AIDA: variants seen among roughly 807,000 people sequenced by gnomAD.
AIDA encodes axin interactor, dorsalization-associated protein.
In AIDA, 18 loss-of-function variants were observed where a neutral mutation model predicts 42.7. That is an observed-to-expected ratio of 0.42 (90% CI 0.29 to 0.63). AIDA has a LOEUF of 0.63. Ranked by LOEUF, AIDA falls within the 20% of genes least tolerant of loss-of-function variation. The pLI is 0.19. For synonymous variants in AIDA, 104 were observed against 122.9 expected (o/e 0.85, Z 1.02); for missense variants, 250 against 354.1 (o/e 0.71, Z 2.36).
chr1:222,673,794 G>A (rs1248174547), intron 7 of AIDA, among the ~76,000 whole-genome samples: 3 of 136,876 alleles, frequency 2.2e-5, no homozygotes, highest in South Asian at 2.4e-4. Context: ...ACAAAAACCT[G>A]CAAACTAGGT....
chr1:222,704,353 A>G (rs1245986821), intron 1 of AIDA, among the ~76,000 whole-genome samples: 1 of 152,232 alleles, frequency 6.6e-6, no homozygotes, highest in Non-Finnish European at 1.5e-5. Context: ...CTGAAAAACC[A>G]TATGTTTACA....
At chr1:222,709,570 T>C (rs1442644372) in intron 1 of AIDA, among the ~76,000 whole-genome samples, 4 of 148,048 alleles carry the variant, frequency 2.7e-5, no homozygotes, top group Non-Finnish European at 5.9e-5. Context: ...GACAAGAGAC[T>C]TTGCAATTTT....
chr1:222,678,436 A>G (rs1664592986), intron 6 of AIDA, among the ~76,000 whole-genome samples: 1 of 152,074 alleles, frequency 6.6e-6, no homozygotes, highest in South Asian at 2.1e-4. Context: ...AAATTCTTCT[A>G]CCTTTAGGTG....
At chr1:222,694,843 G>C (rs559780471) in intron 2 of AIDA, among the ~76,000 whole-genome samples, 4 of 152,158 alleles carry the variant, frequency 2.6e-5, no homozygotes, top group Admixed American at 6.6e-5. Context: ...CATTAGGAGA[G>C]ATAAGACACA....
intron 7 of AIDA, among the ~76,000 whole-genome samples, 185 bp from the exon 8 acceptor site, chr1:222,673,620 C>CA (rs1164143766): frequency 2.4e-4 from 37 of 151,262 alleles, no homozygotes; most frequent in Non-Finnish European, 4.3e-4. Context: ...ACTAAAAATA[C>CA]AAAAAAAATT....
At chr1:222,699,028 T>C (rs1360216843) in intron 2 of AIDA, among the ~76,000 whole-genome samples, 1 of 152,158 alleles carries the variant, frequency 6.6e-6, no homozygotes, top group Non-Finnish European at 1.5e-5. Context: ...GGTTTCACCG[T>C]GTTAGCCAGG....
At chr1:222,693,258 A>T (rs1306266456) in intron 4 of AIDA, among the ~76,000 whole-genome samples, 1 of 152,174 alleles carries the variant, frequency 6.6e-6, no homozygotes, top group South Asian at 2.1e-4. Context: ...ACTCTTGTGC[A>T]TTTGCCCATA....
At chr1:222,708,457 TC>T (rs1475279605) in intron 1 of AIDA, among the ~76,000 whole-genome samples, 2 of 151,554 alleles carry the variant, frequency 1.3e-5, no homozygotes, top group East Asian at 2.0e-4. Flanking sequence ...AACCTCCACT[TC>T]CCAGGTTCGA....
chr1:222,689,812 G>A (rs771623149), intron 4 of AIDA, among the ~76,000 whole-genome samples: 14 of 151,546 alleles, frequency 9.2e-5, no homozygotes, highest in Admixed American at 2.6e-4. Context: ...TAAAGTCTAC[G>A]GTAGTGTACA....
rs1254899263 is a variant in AIDA at position 222,673,349 on chromosome 1, T to C, written c.670A>G (p.Ile224Val). The C allele has an allele frequency of 3.7e-6, 6 of 1,610,022 alleles. No individual in the cohort carries two copies. In the East Asian group the frequency reaches 8.9e-5, roughly 24 times the overall value. ...TTTTCAACATGCTTCTGGAGCTCAA[T>C]GTCCACATTAAAATGAACATATGTA... The part of the protein sequence containing the change: ...EDTYVHFNVD[I>V]ELQKHVEKLT... Residue 224 changes from isoleucine to valine, a missense_variant, in exon 8 of 10, where the codon ATT (isoleucine) becomes GTT (valine). Physicochemically the swap from Ile to Val is conservative, Grantham distance 29. Coordinates refer to ENST00000340020, the MANE Select transcript of AIDA (RefSeq NM_022831.4).
intron 1 of AIDA, among the ~76,000 whole-genome samples, chr1:222,705,748 G>C (rs1655821545): frequency 6.6e-6 from 1 of 152,062 alleles, no homozygotes; most frequent in Non-Finnish European, 1.5e-5. Flanking sequence ...GCGGGGCGTG[G>C]TGGCTGGCAC....
In AIDA at chr1:222,686,923, T is replaced by G; in HGVS notation, c.460+7A>C. 6.2e-7 allele frequency: 1 copy of G among 1,612,468 alleles called. No individual in the cohort carries two copies. Among genetic ancestry groups the G allele is most frequent in the Non-Finnish European group, 8.5e-7 (1 of 1,179,588 alleles). The stretch of plus-strand genomic sequence containing the variant: ...AATAATGTTTATTTTTAATAAGTGA[T>G]ACCTACCGGGAACTCTAGCAGGAAA... On this transcript the variant is annotated splice_region_variant and intron_variant, in intron 6 of 9. Transcript: ENST00000340020.
chr1:222,689,445 G>T (rs918387817), intron 4 of AIDA, among the ~76,000 whole-genome samples: 5 of 132,536 alleles, frequency 3.8e-5, no homozygotes, highest in African/African-American at 1.4e-4. Flanking sequence ...CTCAAAAGCT[G>T]TCTCAAGAAA....
chr1:222,694,355 A>G, intron 2 of AIDA, 92 bp from the exon 3 acceptor site: 1 of 1,081,800 alleles, frequency 9.2e-7, no homozygotes, highest in Non-Finnish European at 1.4e-6. Context: ...AAAGATCCAT[A>G]ATTCTCTTAA....
At chr1:222,689,481 G>GTGTGTGTGTATATATA (rs1253190601) in intron 4 of AIDA, among the ~76,000 whole-genome samples, 1 of 35,330 alleles carries the variant, frequency 2.8e-5, no homozygotes, top group African/African-American at 7.4e-5. Context: ...GTGTGTGTGT[G>GTGTGTGTGTATATATA]TATATATATA....
intron 1 of AIDA, among the ~76,000 whole-genome samples, chr1:222,705,563 T>C (rs1471545089): frequency 1.3e-5 from 2 of 152,172 alleles, no homozygotes; most frequent in Non-Finnish European, 2.9e-5. Context: ...AAAGGAAGGA[T>C]GCTTGATTCA....
At chr1:222,680,891 A>G (rs1664641390) in intron 6 of AIDA, among the ~76,000 whole-genome samples, 1 of 152,172 alleles carries the variant, frequency 6.6e-6, no homozygotes, top group Admixed American at 6.5e-5. Flanking sequence ...TAATGCCTGC[A>G]TGTGAAATTA....
At chr1:222,672,936 T>C in intron 8 of AIDA, among the ~76,000 whole-genome samples, 1 of 152,238 alleles carries the variant, frequency 6.6e-6, no homozygotes, top group Non-Finnish European at 1.5e-5. Context: ...AGTTAAGTTA[T>C]CGTTCTACCA....
rs145396918 is a variant in AIDA, at chr1:222,691,295, T to C, written c.289+2494A>G. On this transcript the variant is annotated intron_variant, in intron 4 of 9. Transcript: ENST00000340020. ...AATCAACTGTATAGCAGAAGTTTGATAAGCAAGGCAGAAGTGGCAGAAGAT... is the reference window on the plus strand; with the variant it reads ...AATCAACTGTATAGCAGAAGTTTGACAAGCAAGGCAGAAGTGGCAGAAGAT... 1.5e-3 allele frequency among the ~76,000 whole-genome samples: 226 copies of C among 152,142 alleles called. 6 individuals carry two copies. In the South Asian group the frequency reaches 0.021, roughly 14 times the overall value.
Sources: gnomAD v4.1 joint callset for allele counts (sites outside exome capture counted in the v4.1 genomes callset) on GRCh38, gnomAD v4.1.1 for gene constraint, MANE v1.5 for transcripts, NCBI Gene and HGNC (gene_info 2026-07-23, HGNC 2026-07-21) for gene names.